The following COL2A1 variants were observed in gnomAD, a reference collection of about 807,000 sequenced individuals.
COL2A1 encodes collagen alpha-1(II) chain.
COL2A1 carries 28 observed loss-of-function variants against 204.5 expected under a neutral mutation model. The ratio of observed to expected loss-of-function variants is 0.14; its 90% CI spans 0.10 to 0.19. The LOEUF (loss-of-function observed/expected upper bound fraction) is 0.19, where lower values mean the gene tolerates loss of function less well. Ranked by LOEUF, COL2A1 falls within the 10% of genes least tolerant of loss-of-function variation. COL2A1 has a pLI of 1.00. For missense variants in COL2A1, 1,388 were observed against 2,027.5 expected, an observed-to-expected ratio of 0.68 and a Z score of 6.06; for synonymous variants, 708 against 718.7, an observed-to-expected ratio of 0.99 and a Z score of 0.24.
Position 47,974,668 on chromosome 12 carries a change from T to A in COL2A1, c.4074+7A>T, listed in dbSNP as rs1230140655. On this transcript the variant is annotated splice_region_variant and intron_variant, in intron 52 of 53. Transcript: ENST00000380518. ...CTGCTCATCATCTAGGGCACCCAGG[T>A]ACTCACATGGAAGCCACCATTGATG... 1 of 1,614,078 alleles carries A rather than the reference T, an allele frequency of 6.2e-7. No homozygotes were observed.
At chr12:47,991,109 G>T (rs1056931173) in intron 16 of COL2A1, among the ~76,000 whole-genome samples, 7 of 152,226 alleles carry the variant, frequency 4.6e-5, no homozygotes, top group Admixed American at 2.0e-4. Flanking sequence ...GGAACATAAA[G>T]CTTCAGGATT....
intron 52 of COL2A1, 91 bp downstream of exon 52, chr12:47,974,584 T>C (rs1938599992): frequency 1.4e-5 from 20 of 1,439,002 alleles, no homozygotes; most frequent in Non-Finnish European, 1.9e-5. Flanking sequence ...GAGGAAAATA[T>C]GGGGAAGGTG....
In COL2A1 at chr12:47,985,720, C is replaced by A. The variant is rs754310324; in HGVS notation, c.1680+8G>T. ...GAAGCCAAGGGCAACAGCAGCTCTGCTACTTACCCGGGCTCCAGGAAGGCC... is the reference window on the plus strand; with the variant it reads ...GAAGCCAAGGGCAACAGCAGCTCTGATACTTACCCGGGCTCCAGGAAGGCC... On this transcript the variant is annotated splice_region_variant and intron_variant, in intron 25 of 53. Coordinates refer to ENST00000380518, the MANE Select transcript of COL2A1 (RefSeq NM_001844.5). The A allele has an allele frequency of 4.6e-5, 74 of 1,613,712 alleles. No individual in the cohort carries two copies. Among genetic ancestry groups the A allele is most frequent in the Middle Eastern group, 1.6e-4 (1 of 6,062 alleles).
intron 16 of COL2A1, among the ~76,000 whole-genome samples, chr12:47,991,594 G>A (rs566529220): frequency 1.3e-5 from 2 of 152,296 alleles, no homozygotes; most frequent in African/African-American, 4.8e-5. Context: ...CAAAGGCAAT[G>A]TTGTCAATCT....
In COL2A1 at chr12:47,976,796, A is replaced by T; in HGVS notation, c.3435+16T>A. ...CAGGAGGCCTCGGGAAGTCCCACGCAGGCAGTGACACTCACAGGAGGGCCG... is the reference window on the plus strand; with the variant it reads ...CAGGAGGCCTCGGGAAGTCCCACGCTGGCAGTGACACTCACAGGAGGGCCG... On this transcript the variant is annotated intron_variant, in intron 48 of 53. Transcript: ENST00000380518. This position sits in a 1 kb window ranked among gnomAD's most constrained non-coding sequence, Gnocchi z 4.3. 1 of 1,606,892 alleles carries T rather than the reference A, an allele frequency of 6.2e-7. No individual in the cohort carries two copies. The highest frequency in any genetic ancestry group is 1.1e-5 in the South Asian group (1 of 90,266).
In COL2A1 at chr12:47,980,696, G is replaced by T. The variant is rs1592207018; in HGVS notation, c.2518-35C>A. On this transcript the variant is annotated intron_variant, in intron 38 of 53. Coordinates refer to ENST00000380518, the MANE Select transcript of COL2A1 (RefSeq NM_001844.5). The surrounding 1 kb of genome is among the most constrained non-coding windows in gnomAD (Gnocchi z 4.5). ...GAAGGAGGAAGCAGGTGAATGAGGG[G>T]CAGGCTAAAACCCTGGAGCTCTTCC... 1.9e-6 allele frequency: 3 copies of T among 1,582,008 alleles called. No homozygotes were observed. Among genetic ancestry groups the T allele is most frequent in the Non-Finnish European group, 2.6e-6 (3 of 1,159,628 alleles).
intron 17 of COL2A1, 52 bp downstream of exon 17, chr12:47,989,709 A>T: frequency 6.4e-7 from 1 of 1,563,348 alleles, no homozygotes; most frequent in Non-Finnish European, 8.8e-7. Flanking sequence ...GGGCTGCTTA[A>T]CGGGACTTAA....
At chr12:47,977,920 T>C (rs1443726554) in intron 44 of COL2A1, 90 bp downstream of exon 44, 1 of 1,263,944 alleles carries the variant, frequency 7.9e-7, no homozygotes, top group East Asian at 2.5e-5. Flanking sequence ...TCCAGGGCCC[T>C]GACTGGGACT....
Position 47,987,715 on chromosome 12 carries a change from A to C in COL2A1, c.1123-6T>G. ...CCAGTGGGGCCGGCTTCACCCTGGG[A>C]AGAGACAGGGAGGATGAAATGAAGA... On this transcript the variant is annotated splice_polypyrimidine_tract_variant and splice_region_variant and intron_variant, in intron 18 of 53. Coordinates refer to ENST00000380518, the MANE Select transcript of COL2A1 (RefSeq NM_001844.5). The surrounding 1 kb of genome is among the most constrained non-coding windows in gnomAD (Gnocchi z 4.1). 6.2e-7 allele frequency: 1 copy of C among 1,605,782 alleles called. No individual in the cohort carries two copies.
At chr12:47,991,684 G>A (rs1035698104) in intron 16 of COL2A1, among the ~76,000 whole-genome samples, 5 of 152,212 alleles carry the variant, frequency 3.3e-5, no homozygotes, top group East Asian at 3.9e-4. Flanking sequence ...GAAGCAGGGC[G>A]GCTGTGCCCA....
intron 15 of COL2A1, 77 bp downstream of exon 15, chr12:47,993,381 A>T: frequency 8.9e-7 from 1 of 1,126,832 alleles, no homozygotes; most frequent in Non-Finnish European, 1.4e-6. Context: ...TGAACTTTGC[A>T]CAAAGGGAGC....
chr12:48,002,312 C>G (rs1386120011), intron 1 of COL2A1, among the ~76,000 whole-genome samples: 1 of 152,194 alleles, frequency 6.6e-6, no homozygotes, highest in African/African-American at 2.4e-5. Context: ...GTTTCTCAAA[C>G]TCGTGGAAAG....
At chr12:48,006,077 C>T (rs1940456568), upstream of COL2A1, 1 of 152,274 alleles carries the variant, frequency 6.6e-6, no homozygotes, top group African/African-American at 2.4e-5. Context: ...TTGTCTGAGT[C>T]TCCATGCTCC....
In COL2A1 at chr12:47,980,378, G is replaced by A. The variant is rs1194739762; in HGVS notation, c.2625+176C>T. Among the ~76,000 whole-genome samples the A allele has an allele frequency of 1.3e-5, 2 of 152,232 alleles. No homozygotes were observed. Among genetic ancestry groups the A allele is most frequent in the South Asian group, 2.1e-4 (1 of 4,816 alleles). On this transcript the variant is annotated intron_variant, in intron 39 of 53. Transcript: ENST00000380518. This position sits in a 1 kb window ranked among gnomAD's most constrained non-coding sequence, Gnocchi z 4.5. ...GCTGGCTGTGGCCAGCCTGTACTCTGTCAGTCCCTACACCCCACCCACACA... is the reference window on the plus strand; with the variant it reads ...GCTGGCTGTGGCCAGCCTGTACTCTATCAGTCCCTACACCCCACCCACACA...
At position 47,989,247 on chromosome 12, in the gene COL2A1, G is replaced by A. The variant is rs1219147595; in HGVS notation, c.1103C>T (p.Pro368Leu). 1 of 1,612,974 alleles carries A rather than the reference G, an allele frequency of 6.2e-7. No individual in the cohort carries two copies. Among genetic ancestry groups the A allele is most frequent in the Admixed American group, 1.7e-5 (1 of 59,920 alleles). Residue 368 changes from proline to leucine, a missense_variant, in exon 18 of 54, where the codon CCT (proline) becomes CTT (leucine). Pro to Leu is a moderately conservative substitution (Grantham distance 98). This residue lies in a region of COL2A1 where 884 missense variants were observed against 1,415.8 expected (regional missense o/e 0.62). Transcript: ENST00000380518. Reference protein sequence around the residue: ...PVGPAGGPGFPGAPGAKGEAG... With the variant: ...PVGPAGGPGFLGAPGAKGEAG... ...ACGTACCTTGGCTCCAGGAGCACCA[G>A]GGAAGCCAGGACCACCAGCAGGACC...
chr12:47,983,145 A>C lies in COL2A1; in HGVS notation c.2050-8T>G. On this transcript the variant is annotated splice_polypyrimidine_tract_variant and splice_region_variant and intron_variant, in intron 31 of 53. Coordinates refer to ENST00000380518, the MANE Select transcript of COL2A1 (RefSeq NM_001844.5). ...AGCTTCACCGGGAACACCCTGGAGA[A>C]CAAAGAAAGATGTGTGAGAGTGAAG... 1 of 1,613,318 alleles carries C rather than the reference A, an allele frequency of 6.2e-7. No homozygotes were observed. Among genetic ancestry groups the C allele is most frequent in the Non-Finnish European group, 8.5e-7 (1 of 1,179,658 alleles).
rs1237429313 is a variant in COL2A1, at chr12:47,974,112, T to C, written c.4294A>G (p.Thr1432Ala). Residue 1432 changes from threonine to alanine, a missense_variant, in exon 53 of 54, where the codon ACT becomes GCT. Physicochemically the swap from Thr to Ala is moderately conservative, Grantham distance 58. Coordinates refer to ENST00000380518, the MANE Select transcript of COL2A1 (RefSeq NM_001844.5). ...RAEGNSRFTY[T>A]ALKDGCTKHT... ...ACCGTGCAGCCATCCTTCAGGGCAG[T>C]GTACGTGAACCTGCTATTGCCCTCT... 1 of 1,614,206 alleles carries C rather than the reference T, an allele frequency of 6.2e-7. No individual in the cohort carries two copies. Among genetic ancestry groups the C allele is most frequent in the Non-Finnish European group, 8.5e-7 (1 of 1,180,034 alleles).
Position 47,996,645 on chromosome 12 carries a change from C to T in COL2A1, c.532-20G>A, listed in dbSNP as rs778434709. On this transcript the variant is annotated intron_variant, in intron 7 of 53. Coordinates refer to ENST00000380518, the MANE Select transcript of COL2A1 (RefSeq NM_001844.5). ...AAAGTTCTGCAAAGAAACCCAACAACGTTAGGAGGTTGAAAGGCACTAGGT... is the reference window on the plus strand; with the variant it reads ...AAAGTTCTGCAAAGAAACCCAACAATGTTAGGAGGTTGAAAGGCACTAGGT... The T allele has an allele frequency of 4.3e-6, 7 of 1,612,086 alleles. No homozygotes were observed. Among genetic ancestry groups the T allele is most frequent in the East Asian group, 2.2e-5 (1 of 44,888 alleles).
At chr12:47,983,499 A>T in intron 30 of COL2A1, 61 bp from the exon 31 acceptor site, 7 of 1,556,418 alleles carry the variant, frequency 4.5e-6, no homozygotes, top group Non-Finnish European at 6.2e-6. Context: ...GCCCCCAGGG[A>T]GGCACAGTAT....
Sources: allele counts gnomAD v4.1 joint callset (sites outside exome capture counted in the v4.1 genomes callset), GRCh38; gene constraint gnomAD v4.1.1; regional missense constraint gnomAD v4.1.1; non-coding constraint Gnocchi (gnomAD v3.1); transcripts MANE v1.5; gene names NCBI Gene and HGNC (gene_info 2026-07-23, HGNC 2026-07-21).